FEM1B: variants seen among roughly 807,000 people sequenced by gnomAD.
The protein encoded by FEM1B is fem-1 homolog B.
Under a neutral mutation model 38.6 loss-of-function variants are expected in FEM1B, and 10 were observed. That is an observed-to-expected ratio of 0.26 (90% CI 0.16 to 0.44). The LOEUF (loss-of-function observed/expected upper bound fraction) is 0.44, where lower values mean the gene tolerates loss of function less well. FEM1B is among the 20% of genes least tolerant of loss of function. The pLI, the probability that FEM1B is intolerant of heterozygous loss-of-function variation, is 1.00. For missense variants in FEM1B, 471 were observed against 786.7 expected, an observed-to-expected ratio of 0.60 and a Z score of 4.80; for synonymous variants, 288 against 288.0, an observed-to-expected ratio of 1.00 and a Z score of 0.00.
At chr15:68,286,084 G>T (rs1242231668) in intron 1 of FEM1B, among the ~76,000 whole-genome samples, 4 of 151,788 alleles carry the variant, frequency 2.6e-5, no homozygotes, top group East Asian at 3.9e-4. Flanking sequence ...AGGAATCAAG[G>T]TTAATTATTT....
chr15:68,290,512 T>A lies in FEM1B; in HGVS notation c.1154T>A (p.Leu385His). The change falls in exon 2 of 2, where the codon CTT (leucine) becomes CAT (histidine). Residue 385 changes from leucine to histidine, a missense_variant. Leu to His is a moderately conservative substitution (Grantham distance 99, BLOSUM62 -3). Transcript: ENST00000306917. The surrounding 1 kb of genome is among the most constrained non-coding windows in gnomAD (Gnocchi z 9.7). ...QKGNRNTHKD[L>H]LRFAQVFSQM... is the part of the protein sequence containing the mutation. Reference sequence around the variant, plus strand: ...GGTAACAGGAACACCCACAAGGATCTTCTTCGATTTGCTCAAGTTTTCTCA... The same window carrying A: ...GGTAACAGGAACACCCACAAGGATCATCTTCGATTTGCTCAAGTTTTCTCA... 1 of 1,614,226 alleles carries A rather than the reference T, an allele frequency of 6.2e-7. No individual in the cohort carries two copies. The highest frequency in any genetic ancestry group is 8.5e-7 in the Non-Finnish European group (1 of 1,180,034).
chr15:68,287,535 G>A (rs1892802743), intron 1 of FEM1B, among the ~76,000 whole-genome samples: 2 of 152,198 alleles, frequency 1.3e-5, no homozygotes, highest in South Asian at 4.1e-4. Context: ...ATTATAAAAT[G>A]AGTATTTTCA....
Position 68,291,165 on chromosome 15 carries a change from C to T in FEM1B, c.1807C>T (p.Arg603Ter). The change falls in exon 2 of 2, where the codon CGA (arginine) becomes TGA (stop). Residue 603 changes from arginine to a stop codon, truncating the protein, a stop_gained. Coordinates refer to ENST00000306917, the MANE Select transcript of FEM1B (RefSeq NM_015322.5). LOFTEE classifies it high-confidence loss of function. This position sits in a 1 kb window ranked among gnomAD's most constrained non-coding sequence, Gnocchi z 6.9. ...GATGAGTCTCAAGTGCCTGGCTGCCCGAGCAGTTCGGGCTAATGACATTAA... is the reference window on the plus strand; with the variant it reads ...GATGAGTCTCAAGTGCCTGGCTGCCTGAGCAGTTCGGGCTAATGACATTAA... ...MKMSLKCLAARAVRANDINYQ... is the reference protein window; with the variant it reads ...MKMSLKCLAA 1.9e-6 allele frequency: 3 copies of T among 1,614,050 alleles called. No individual in the cohort carries two copies. The highest frequency in any genetic ancestry group is 2.5e-6 in the Non-Finnish European group (3 of 1,179,986).
chr15:68,278,674 A>T lies in FEM1B; in HGVS notation c.248+9A>T, dbSNP rs531484880. 2.5e-6 allele frequency: 4 copies of T among 1,611,718 alleles called. No individual in the cohort carries two copies. Among genetic ancestry groups the T allele is most frequent in the South Asian group, 2.2e-5 (2 of 91,068 alleles). On this transcript the variant is annotated intron_variant, in intron 1 of 1. Transcript: ENST00000306917. This position sits in a 1 kb window ranked among gnomAD's most constrained non-coding sequence, Gnocchi z 5.7. ...ACCGTCCGCTTCGACGGGTAGGTACATCCCAAGCCAGCCTCTCTCCGACGC... is the reference window on the plus strand; with the variant it reads ...ACCGTCCGCTTCGACGGGTAGGTACTTCCCAAGCCAGCCTCTCTCCGACGC...
chr15:68,291,097 G>T lies in FEM1B; in HGVS notation c.1739G>T (p.Ser580Ile). 6.2e-7 allele frequency: 1 copy of T among 1,614,130 alleles called. No individual in the cohort carries two copies. The highest frequency in any genetic ancestry group is 8.5e-7 in the Non-Finnish European group (1 of 1,180,006). ...CAGAATAAGACTCCGCTAGACAAAAGTACAACTGGGGTATCTGAAATACTG... is the reference window on the plus strand; with the variant it reads ...CAGAATAAGACTCCGCTAGACAAAATTACAACTGGGGTATCTGAAATACTG... ...NKQNKTPLDK[S>I]TTGVSEILLK... Residue 580 changes from serine (S) to isoleucine (I), a missense_variant, in exon 2 of 2, where the codon AGT becomes ATT. This residue lies in a region of FEM1B where 380 missense variants were observed against 599.6 expected (regional missense o/e 0.63). Coordinates refer to ENST00000306917, the MANE Select transcript of FEM1B (RefSeq NM_015322.5). The surrounding 1 kb of genome is among the most constrained non-coding windows in gnomAD (Gnocchi z 6.9).
In FEM1B at chr15:68,289,892, T is replaced by C. The variant is rs760904212; in HGVS notation, c.534T>C (p.Ala178=). ...DVVRYLLEQR[A]DPNAKAHCGA... is the part of the protein sequence containing the mutation. ...TCAGATACCTTTTAGAACAACGTGC[T>C]GATCCCAATGCCAAAGCACATTGTG... The change falls in exon 2 of 2, where the codon GCT becomes GCC. Residue 178 remains alanine (A), a synonymous_variant. Transcript: ENST00000306917. The surrounding 1 kb of genome is among the most constrained non-coding windows in gnomAD (Gnocchi z 6.9). 9.9e-6 allele frequency: 16 copies of C among 1,613,948 alleles called. No individual in the cohort carries two copies. The highest frequency in any genetic ancestry group is 1.0e-5 in the Non-Finnish European group (12 of 1,179,904).
In FEM1B at chr15:68,292,521, A is replaced by G. The variant is rs919024490; in HGVS notation, c.*1279A>G. 1 of 152,074 alleles carries G rather than the reference A, an allele frequency of 6.6e-6. No homozygotes were observed. Among genetic ancestry groups the G allele is most frequent in the Non-Finnish European group, 1.5e-5 (1 of 67,952 alleles). The allele number at this position is 152,074 out of a possible 1,614,324, so 9.4% of individuals were successfully genotyped here. On this transcript the variant is annotated 3_prime_UTR_variant, in exon 2 of 2. Coordinates refer to ENST00000306917, the MANE Select transcript of FEM1B (RefSeq NM_015322.5). ...AAGTGAAAGTTATATGCTTATTTCT[A>G]TTGATGTTAAAAATGATAATGAAAG...
chr15:68,290,132 C>T lies in FEM1B; in HGVS notation c.774C>T (p.Ala258=). 2 of 1,614,070 alleles carry T rather than the reference C, an allele frequency of 1.2e-6. No individual in the cohort carries two copies. Among genetic ancestry groups the T allele is most frequent in the Non-Finnish European group, 1.7e-6 (2 of 1,180,030 alleles). The change falls in exon 2 of 2, where the codon GCC becomes GCT. Residue 258 remains alanine, a synonymous_variant. Coordinates refer to ENST00000306917, the MANE Select transcript of FEM1B (RefSeq NM_015322.5). The surrounding 1 kb of genome is among the most constrained non-coding windows in gnomAD (Gnocchi z 9.7). ...TTGAAGCTTTGGAACTCTTGGGTGC[C>T]TCCTTTGCAAATGACCGTGAGAACT... ...SRIEALELLG[A]SFANDRENYD...
chr15:68,283,347 T>G (rs1354043523), intron 1 of FEM1B, among the ~76,000 whole-genome samples: 2 of 151,870 alleles, frequency 1.3e-5, no homozygotes, highest in African/African-American at 4.8e-5. Flanking sequence ...GATTCCTGTT[T>G]CCTGGCATAT....
chr15:68,285,015 A>G (rs1055228559), intron 1 of FEM1B, among the ~76,000 whole-genome samples: 1 of 152,204 alleles, frequency 6.6e-6, no homozygotes, highest in Non-Finnish European at 1.5e-5. Context: ...TAAGTTGCCC[A>G]GTTTCGGGTA....
At position 68,295,801 on chromosome 15, in the gene FEM1B, T is replaced by TAACA. The variant is rs950610085; in HGVS notation, c.*4561_*4564dup. ...CCTAATAACTCAGCTAATTTGAAAC[T>TAACA]AACAATCTTGCTGTGTAAAAGGAAA... On this transcript the variant is annotated 3_prime_UTR_variant, in exon 2 of 2. Transcript: ENST00000306917. 1 of 152,198 alleles carries TAACA rather than the reference T, an allele frequency of 6.6e-6. No individual in the cohort carries two copies. Among genetic ancestry groups the TAACA allele is most frequent in the African/African-American group, 2.4e-5 (1 of 41,436 alleles). 9.4% of individuals were successfully genotyped at this position (152,198 alleles called of 1,614,324 possible).
chr15:68,290,731 A>G lies in FEM1B; in HGVS notation c.1373A>G (p.Gln458Arg), dbSNP rs1359012418. The change falls in exon 2 of 2, where the codon CAG (glutamine) becomes CGG (arginine). Residue 458 changes from glutamine to arginine, a missense_variant. Gln to Arg is a conservative substitution (Grantham distance 43). Transcript: ENST00000306917. This position sits in a 1 kb window ranked among gnomAD's most constrained non-coding sequence, Gnocchi z 9.7. Reference sequence around the variant, plus strand: ...TTAGTGTGCATCTCTACCAAAACACAGTGCAGCGAAGAAGATCAGTGCAAA... The same window carrying G: ...TTAGTGTGCATCTCTACCAAAACACGGTGCAGCGAAGAAGATCAGTGCAAA... ...LYLVCISTKT[Q>R]CSEEDQCKIN... 8 of 1,614,168 alleles carry G rather than the reference A, an allele frequency of 5.0e-6. No homozygotes were observed. The highest frequency in any genetic ancestry group is 5.9e-6 in the Non-Finnish European group (7 of 1,180,016).
Position 68,288,777 on chromosome 15 carries a change from CACATAT to C in FEM1B, c.249-819_249-814del, listed in dbSNP as rs917778004. 7.9e-5 allele frequency among the ~76,000 whole-genome samples: 12 copies of C among 152,214 alleles called. No homozygotes were observed. The highest frequency in any genetic ancestry group is 2.2e-4 in the African/African-American group (9 of 41,526). ...CACACAGACAAGCAGTATATGCACA[CACATAT>C]ACATATACATTTTAAAACTTTTAAA... On this transcript the variant is annotated intron_variant, in intron 1 of 1. Coordinates refer to ENST00000306917, the MANE Select transcript of FEM1B (RefSeq NM_015322.5). The surrounding 1 kb of genome is among the most constrained non-coding windows in gnomAD (Gnocchi z 4.6).
rs1230094932 is a variant in FEM1B at position 68,291,910 on chromosome 15, T to G, written c.*668T>G. The G allele has an allele frequency of 6.6e-6, 1 of 152,248 alleles. No homozygotes were observed. Among genetic ancestry groups the G allele is most frequent in the East Asian group, 1.9e-4 (1 of 5,204 alleles). The allele number at this position is 152,248 out of a possible 1,614,324, so 9.4% of individuals were successfully genotyped here. A position where few individuals can be genotyped will look rare whatever the true frequency, so the allele number is the denominator to read the frequency against. ...TAGTATATACAAAATGGTTATCATC[T>G]TAAACCAACTTTTCAGAGAATCTTG... On this transcript the variant is annotated 3_prime_UTR_variant, in exon 2 of 2. Transcript: ENST00000306917. This position sits in a 1 kb window ranked among gnomAD's most constrained non-coding sequence, Gnocchi z 6.9.
At chr15:68,279,718 T>C (rs1892706117) in intron 1 of FEM1B, among the ~76,000 whole-genome samples, 1 of 152,212 alleles carries the variant, frequency 6.6e-6, no homozygotes, top group Non-Finnish European at 1.5e-5. Flanking sequence ...AAATGTTCTG[T>C]TTCGGTTGAT....
In FEM1B at chr15:68,278,512, T is replaced by C; in HGVS notation, c.95T>C (p.Ile32Thr). Residue 32 changes from isoleucine to threonine, a missense_variant, in exon 1 of 2, where the codon ATC (isoleucine) becomes ACC (threonine). By Grantham distance (89) the Ile-to-Thr change is moderately conservative (BLOSUM62 -1). Coordinates refer to ENST00000306917, the MANE Select transcript of FEM1B (RefSeq NM_015322.5). The surrounding 1 kb of genome is among the most constrained non-coding windows in gnomAD (Gnocchi z 5.7). ...ALLLNRSESDIRYLLGYVSQQ... is the reference protein window; with the variant it reads ...ALLLNRSESDTRYLLGYVSQQ... Reference sequence around the variant, plus strand: ...CTTCTCAACCGGTCTGAAAGCGACATCCGCTATCTGCTTGGCTATGTCAGC... The same window carrying C: ...CTTCTCAACCGGTCTGAAAGCGACACCCGCTATCTGCTTGGCTATGTCAGC... 1 of 1,613,990 alleles carries C rather than the reference T, an allele frequency of 6.2e-7. No homozygotes were observed. Among genetic ancestry groups the C allele is most frequent in the Non-Finnish European group, 8.5e-7 (1 of 1,180,006 alleles).
chr15:68,290,218 G>GTGA lies in FEM1B; in HGVS notation c.862_864dup (p.Asp288dup), dbSNP rs1414648054. On this transcript the variant is annotated inframe_insertion, in exon 2 of 2. Transcript: ENST00000306917. The surrounding 1 kb of genome is among the most constrained non-coding windows in gnomAD (Gnocchi z 9.7). ...GCCATGTTAGAGAGGTTCCAAGATGGTGATAACATTCTCGAAAAAGAGGTT... is the reference window on the plus strand; with the variant it reads ...GCCATGTTAGAGAGGTTCCAAGATGGTGATGATAACATTCTCGAAAAAGAGGTT... 1 of 1,613,920 alleles carries GTGA rather than the reference G, an allele frequency of 6.2e-7. No homozygotes were observed. Among genetic ancestry groups the GTGA allele is most frequent in the East Asian group, 2.2e-5 (1 of 44,904 alleles).
At chr15:68,279,271 G>A (rs74019865) in intron 1 of FEM1B, among the ~76,000 whole-genome samples, 7,924 of 152,116 alleles carry the variant, frequency 0.052, 664 homozygotes, top group African/African-American at 0.17. Context: ...TGGCTACTAA[G>A]ATGGCATTGG....
Position 68,292,465 on chromosome 15 carries a change from T to G in FEM1B, c.*1223T>G, listed in dbSNP as rs1307466754. ...TAACTGTCAAACTAAAAGGGTATTCTGTGATTATCTTTTAAGCATTACAGA... is the reference window on the plus strand; with the variant it reads ...TAACTGTCAAACTAAAAGGGTATTCGGTGATTATCTTTTAAGCATTACAGA... On this transcript the variant is annotated 3_prime_UTR_variant, in exon 2 of 2. Coordinates refer to ENST00000306917, the MANE Select transcript of FEM1B (RefSeq NM_015322.5). 6.6e-6 allele frequency: 1 copy of G among 152,182 alleles called. No homozygotes were observed. Among genetic ancestry groups the G allele is most frequent in the African/African-American group, 2.4e-5 (1 of 41,458 alleles). The allele number at this position is 152,182 out of a possible 1,614,324, so 9.4% of individuals were successfully genotyped here.
Sources: allele counts gnomAD v4.1 joint callset (sites outside exome capture counted in the v4.1 genomes callset), GRCh38; gene constraint gnomAD v4.1.1; regional missense constraint gnomAD v4.1.1; non-coding constraint Gnocchi (gnomAD v3.1); transcripts MANE v1.5; gene names NCBI Gene and HGNC (gene_info 2026-07-23, HGNC 2026-07-21).